Variants in KCNJ14 observed in about 807,000 individuals in gnomAD.
KCNJ14 encodes the protein potassium inwardly rectifying channel subfamily J member 14.
In KCNJ14, 18 loss-of-function variants were observed where a neutral mutation model predicts 24.5. That is an observed-to-expected ratio of 0.74 (90% CI 0.51 to 1.09). KCNJ14 has a LOEUF of 1.09. KCNJ14 is among the 50% of genes least tolerant of loss of function. The pLI is 0.00. For synonymous variants in KCNJ14, 288 were observed against 270.8 expected, an observed-to-expected ratio of 1.06 and a Z score of -0.63; for missense variants, 633 against 623.0, an observed-to-expected ratio of 1.02 and a Z score of -0.17.
Position 48,461,808 on chromosome 19 carries a change from G to T in KCNJ14, c.84G>T (p.Gly28=). The change falls in exon 2 of 3, where the codon GGG becomes GGT. Residue 28 remains glycine, a synonymous_variant. Transcript: ENST00000342291. The stretch of plus-strand genomic sequence containing the variant: ...GGGCGGGCGATGAAGAGGAGGCCGG[G>T]CCCGGGTTGTGCCGCAACGGGTGGG... ...DSRAGDEEEA[G]PGLCRNGWAP... 3 of 1,493,196 alleles carry T rather than the reference G, an allele frequency of 2.0e-6. No individual in the cohort carries two copies. The highest frequency in any genetic ancestry group is 2.7e-6 in the Non-Finnish European group (3 of 1,124,254). The allele number at this position is 1,493,196 out of a possible 1,614,324, so 92.5% of individuals were successfully genotyped here. A position where few individuals can be genotyped will look rare whatever the true frequency, so the allele number is the denominator to read the frequency against.
Position 48,464,420 on chromosome 19 carries a change from G to A in KCNJ14, c.954G>A (p.Ser318=), listed in dbSNP as rs375930558. 5.3e-5 allele frequency: 85 copies of A among 1,613,552 alleles called. No individual in the cohort carries two copies. The East Asian group carries it at 7.8e-4, about 15-fold the overall frequency. The change falls in exon 3 of 3, where the codon TCG becomes TCA. Residue 318 remains serine (S), a synonymous_variant. Coordinates refer to ENST00000342291, the MANE Select transcript of KCNJ14 (RefSeq NM_013348.4). ...CAGCCATGACCACACAGTGTCGCTC[G>A]TCCTACCTCCCTGGTGAACTGCTCT... The part of the protein sequence containing the change: ...EATAMTTQCR[S]SYLPGELLWG...
intron 1 of KCNJ14, chr19:48,456,662 C>G (rs1971542457): frequency 6.6e-6 from 1 of 152,182 alleles, no homozygotes; most frequent in Non-Finnish European, 1.5e-5. Flanking sequence ...TATTTAACCC[C>G]TGGAATGGTT....
At chr19:48,456,288 G>A (rs1971539025) in intron 1 of KCNJ14, 2 of 152,338 alleles carry the variant, frequency 1.3e-5, no homozygotes, top group African/African-American at 2.4e-5. Flanking sequence ...TGCAGGTGTA[G>A]ATGCTGCATC....
chr19:48,465,164 A>G lies in KCNJ14; in HGVS notation c.*387A>G, dbSNP rs1055326349. ...GTTGGCAGTTCTTGAACAGCATCAG[A>G]TATCAAGAGTTTGTAGGTCTGGATT... On this transcript the variant is annotated 3_prime_UTR_variant, in exon 3 of 3. Transcript: ENST00000342291. 2.4e-5 allele frequency: 5 copies of G among 204,908 alleles called. No homozygotes were observed. Among genetic ancestry groups the G allele is most frequent in the Non-Finnish European group, 5.0e-5 (5 of 99,778 alleles). 12.7% of individuals were successfully genotyped at this position (204,908 alleles called of 1,614,324 possible). A position where few individuals can be genotyped will look rare whatever the true frequency, so the allele number is the denominator to read the frequency against.
chr19:48,457,173 G>A (rs996696085), intron 1 of KCNJ14, among the ~76,000 whole-genome samples: 3 of 151,786 alleles, frequency 2.0e-5, no homozygotes, highest in Non-Finnish European at 2.9e-5. Context: ...ATAGGGTCTC[G>A]CCATGTTCCC....
At position 48,462,381 on chromosome 19, in the gene KCNJ14, C is replaced by T. The variant is rs1368151750; in HGVS notation, c.657C>T (p.Val219=). Reference sequence around the variant, plus strand: ...ACCGCCTCTGCCTCATGTGGCGCGTCGGCAACCTGCGCCGCAGCCACCTGG... The same window carrying T: ...ACCGCCTCTGCCTCATGTGGCGCGTTGGCAACCTGCGCCGCAGCCACCTGG... ...RDHRLCLMWR[V]GNLRRSHLVE... Residue 219 remains valine, a synonymous_variant, in exon 2 of 3, where the codon GTC becomes GTT. Transcript: ENST00000342291. This position sits in a 1 kb window ranked among gnomAD's most constrained non-coding sequence, Gnocchi z 4.9. 1.3e-6 allele frequency: 2 copies of T among 1,526,954 alleles called. No individual in the cohort carries two copies. Among genetic ancestry groups the T allele is most frequent in the South Asian group, 1.2e-5 (1 of 82,114 alleles). 94.6% of individuals were successfully genotyped at this position (1,526,954 alleles called of 1,614,324 possible). A position where few individuals can be genotyped will look rare whatever the true frequency, so the allele number is the denominator to read the frequency against.
At chr19:48,457,660 A>G (rs1258658036) in intron 1 of KCNJ14, among the ~76,000 whole-genome samples, 2 of 152,112 alleles carry the variant, frequency 1.3e-5, no homozygotes, top group African/African-American at 2.4e-5. Context: ...TAGTGTATTC[A>G]CAATTGTGCA....
chr19:48,456,469 CAAGTGGGCCT>C (rs1971540474), intron 1 of KCNJ14: 1 of 152,272 alleles, frequency 6.6e-6, no homozygotes, highest in Admixed American at 6.5e-5. Flanking sequence ...TTGCCTCTGT[CAAGTGGGCCT>C]AATGAACCCT....
In KCNJ14 at chr19:48,465,588, A is replaced by T. The variant is rs936425306; in HGVS notation, c.*811A>T. The stretch of plus-strand genomic sequence containing the variant: ...TGTAGAGCACCCAGCCAAGAGAATA[A>T]GCAGTGCTTTGAAAGGATCCACTGG... On this transcript the variant is annotated 3_prime_UTR_variant, in exon 3 of 3. Coordinates refer to ENST00000342291, the MANE Select transcript of KCNJ14 (RefSeq NM_013348.4). The T allele has an allele frequency of 6.6e-6, 1 of 152,598 alleles. No homozygotes were observed. Among genetic ancestry groups the T allele is most frequent in the African/African-American group, 2.4e-5 (1 of 41,454 alleles). 9.5% of individuals were successfully genotyped at this position (152,598 alleles called of 1,614,324 possible).
At chr19:48,463,493 G>C (rs1971623278) in intron 2 of KCNJ14, among the ~76,000 whole-genome samples, 2 of 152,110 alleles carry the variant, frequency 1.3e-5, no homozygotes, top group Admixed American at 6.5e-5. Flanking sequence ...GGAACCAGCG[G>C]GTAGGCGGGG....
chr19:48,460,393 G>GCCA (rs1388762793), intron 1 of KCNJ14, among the ~76,000 whole-genome samples: 1 of 152,096 alleles, frequency 6.6e-6, no homozygotes, highest in Non-Finnish European at 1.5e-5. Context: ...ACAGGCATGT[G>GCCA]CCACCATGCC....
At chr19:48,458,931 G>A (rs1225721528) in intron 1 of KCNJ14, among the ~76,000 whole-genome samples, 19 of 67,046 alleles carry the variant, frequency 2.8e-4, no homozygotes, top group Admixed American at 1.3e-3. Context: ...GTGAGACTCC[G>A]TCTCAAAAAA....
Position 48,461,957 on chromosome 19 carries a change from TCAC to T in KCNJ14, c.237_239del (p.Thr80del). 5 of 1,613,080 alleles carry T rather than the reference TCAC, an allele frequency of 3.1e-6. No homozygotes were observed. Among genetic ancestry groups the T allele is most frequent in the Non-Finnish European group, 4.2e-6 (5 of 1,179,640 alleles). ...GGCGCGCGCTACCTGAGCGACCTGT[TCAC>T]CACATGCGTGGACGTGCGCTGGCGC... On this transcript the variant is annotated inframe_deletion, in exon 2 of 3. Transcript: ENST00000342291.
chr19:48,464,801 G>T lies in KCNJ14; in HGVS notation c.*24G>T, dbSNP rs373578741. ...GATGCAAACTGATGTCCCCTTCCCC[G>T]TGTATGCCCCCTTCCCCAAGGTAGC... On this transcript the variant is annotated 3_prime_UTR_variant, in exon 3 of 3. Transcript: ENST00000342291. 1 of 1,527,910 alleles carries T rather than the reference G, an allele frequency of 6.5e-7. No homozygotes were observed. Among genetic ancestry groups the T allele is most frequent in the South Asian group, 1.1e-5 (1 of 88,758 alleles). The allele number at this position is 1,527,910 out of a possible 1,614,324, so 94.6% of individuals were successfully genotyped here.
rs1971637560 is a variant in KCNJ14 at position 48,464,605 on chromosome 19, G to A, written c.1139G>A (p.Ser380Asn). The change falls in exon 3 of 3, where the codon AGT (serine) becomes AAT (asparagine). Residue 380 changes from serine to asparagine, a missense_variant. Transcript: ENST00000342291. ...AEQASHSLKSSFPGSLTAFCY... is the reference protein window; with the variant it reads ...AEQASHSLKSNFPGSLTAFCY... ...CAGGCTTCCCACAGCCTCAAGTCTAGTTTCCCCGGCTCTCTGACTGCATTT... is the reference window on the plus strand; with the variant it reads ...CAGGCTTCCCACAGCCTCAAGTCTAATTTCCCCGGCTCTCTGACTGCATTT... The A allele has an allele frequency of 6.2e-7, 1 of 1,614,050 alleles. No individual in the cohort carries two copies. The highest frequency in any genetic ancestry group is 8.5e-7 in the Non-Finnish European group (1 of 1,180,040).
chr19:48,465,202 A>G lies in KCNJ14; in HGVS notation c.*425A>G, dbSNP rs895374803. 5.8e-6 allele frequency: 1 copy of G among 173,362 alleles called. No homozygotes were observed. The highest frequency in any genetic ancestry group is 1.3e-5 in the Non-Finnish European group (1 of 79,724). 10.7% of individuals were successfully genotyped at this position (173,362 alleles called of 1,614,324 possible). A position where few individuals can be genotyped will look rare whatever the true frequency, so the allele number is the denominator to read the frequency against. ...GTAGGTCTGGATTCACCTAAGATTC[A>G]AGGGAGTGTTGCTTCTCAACTCAGC... On this transcript the variant is annotated 3_prime_UTR_variant, in exon 3 of 3. Coordinates refer to ENST00000342291, the MANE Select transcript of KCNJ14 (RefSeq NM_013348.4).
chr19:48,459,167 G>A (rs897808855), intron 1 of KCNJ14, among the ~76,000 whole-genome samples: 2 of 149,822 alleles, frequency 1.3e-5, no homozygotes, highest in Non-Finnish European at 3.0e-5. Context: ...GTGAACCCAG[G>A]AGGCGGAGCT....
chr19:48,466,428 T>C lies in KCNJ14; in HGVS notation c.*1651T>C, dbSNP rs1296539479. 1.3e-5 allele frequency: 2 copies of C among 151,932 alleles called. No individual in the cohort carries two copies. The highest frequency in any genetic ancestry group is 4.8e-5 in the African/African-American group (2 of 41,376). The allele number at this position is 151,932 out of a possible 1,614,324, so 9.4% of individuals were successfully genotyped here. ...TATACATATGTATATTATATATATG[T>C]AATATAAATACAGATATCTATCTAT... On this transcript the variant is annotated 3_prime_UTR_variant, in exon 3 of 3. Transcript: ENST00000342291.
chr19:48,460,799 A>G (rs1023498198), intron 1 of KCNJ14, among the ~76,000 whole-genome samples: 6 of 152,130 alleles, frequency 3.9e-5, no homozygotes, highest in African/African-American at 1.2e-4. Flanking sequence ...TTGTTATAGT[A>G]TTTTCCGTTG....
Sources: gnomAD v4.1 joint callset for allele counts (sites outside exome capture counted in the v4.1 genomes callset) on GRCh38, gnomAD v4.1.1 for gene constraint, Gnocchi (gnomAD v3.1) non-coding constraint, MANE v1.5 for transcripts, NCBI Gene and HGNC (gene_info 2026-07-23, HGNC 2026-07-21) for gene names.